Variants in CNTN3 observed in about 807,000 individuals in gnomAD.
CNTN3 encodes contactin-3.
A neutral mutation model predicts 119.1 loss-of-function variants in CNTN3; 60 were observed. The observed-to-expected ratio is 0.50, with a 90% CI of 0.41 to 0.62. CNTN3 has a LOEUF of 0.62. Ranked by LOEUF, CNTN3 falls within the 20% of genes least tolerant of loss-of-function variation. CNTN3 has a pLI of 0.00. For synonymous variants in CNTN3, 450 were observed against 438.7 expected (o/e 1.03, Z -0.32); for missense variants, 1,101 against 1,242.4 (o/e 0.89, Z 1.71).
chr3:74,609,728 CA>C (rs1458017220), intron 1 of CNTN3, among the ~76,000 whole-genome samples: 1 of 152,154 alleles, frequency 6.6e-6, no homozygotes, highest in Non-Finnish European at 1.5e-5. Context: ...GCAAGCTCAG[CA>C]AACCAATAAG....
intron 5 of CNTN3, among the ~76,000 whole-genome samples, chr3:74,387,912 T>C (rs73110930): frequency 0.099 from 15,090 of 152,324 alleles, 1,003 homozygotes; most frequent in Non-Finnish European, 0.15. Flanking sequence ...ACTTAATTTA[T>C]ATTTAACATT....
chr3:74,450,471 T>C (rs1237319913), intron 4 of CNTN3, among the ~76,000 whole-genome samples: 1 of 151,002 alleles, frequency 6.6e-6, no homozygotes, highest in Non-Finnish European at 1.5e-5. Context: ...CCTAAATGAT[T>C]CTTGAAAGAA....
At chr3:74,412,234 A>C (rs888387732) in intron 5 of CNTN3, among the ~76,000 whole-genome samples, 26 of 152,184 alleles carry the variant, frequency 1.7e-4, no homozygotes, top group African/African-American at 5.5e-4. Flanking sequence ...CTCACTCTTT[A>C]GATTTCCCCT....
intron 2 of CNTN3, among the ~76,000 whole-genome samples, chr3:74,508,719 A>G (rs1281768649): frequency 6.6e-6 from 1 of 152,146 alleles, no homozygotes; most frequent in Non-Finnish European, 1.5e-5. Flanking sequence ...ACTTTTAAAA[A>G]TGCTAGACAT....
At position 74,365,659 on chromosome 3, in the gene CNTN3, G is replaced by A. The variant is rs138191723; in HGVS notation, c.990C>T (p.Ala330=). 43 of 1,613,220 alleles carry A rather than the reference G, an allele frequency of 2.7e-5. No homozygotes were observed. Among genetic ancestry groups the A allele is most frequent in the South Asian group, 8.8e-5 (8 of 91,064 alleles). ...ATTCCCAATAAAGACTGTCCTCCAC[G>A]GCTATTTCCACATCCTTTATGAGTT... is the stretch of plus-strand genomic sequence containing the variant. ...WVQLIKDVEI[A]VEDSLYWECR... is the part of the protein sequence containing the mutation. Residue 330 remains alanine (A), a synonymous_variant, in exon 9 of 23, where the codon GCC becomes GCT. Coordinates refer to ENST00000263665, the MANE Select transcript of CNTN3 (RefSeq NM_020872.3).
intron 1 of CNTN3, among the ~76,000 whole-genome samples, chr3:74,586,442 G>A (rs1248720889): frequency 6.6e-6 from 1 of 152,032 alleles, no homozygotes; most frequent in African/African-American, 2.4e-5. Context: ...CTGCAATACT[G>A]ATGAAGAATA....
rs528460656 is a variant in CNTN3, at chr3:74,301,773, C to T, written c.1819G>A (p.Asp607Asn). ...TGGGCTGTTGTGTCTGTAATTTCAT[C>T]TACCTTCACATTTTCTGGTGGTCCA... ...SPGPPENVKV[D>N]EITDTTAQLS... Residue 607 changes from aspartate to asparagine, a missense_variant, in exon 15 of 23, where the codon GAT becomes AAT. Asp to Asn is a conservative substitution (Grantham distance 23). Transcript: ENST00000263665. 8.1e-6 allele frequency: 13 copies of T among 1,614,096 alleles called. No homozygotes were observed. Among genetic ancestry groups the T allele is most frequent in the Non-Finnish European group, 9.3e-6 (11 of 1,179,960 alleles).
chr3:74,362,991 T>C (rs1704110578), intron 10 of CNTN3, among the ~76,000 whole-genome samples: 1 of 152,210 alleles, frequency 6.6e-6, no homozygotes, highest in South Asian at 2.1e-4. Context: ...TTGAATACAA[T>C]CTTTTGTTTA....
intron 4 of CNTN3, among the ~76,000 whole-genome samples, chr3:74,478,142 T>G (rs545468976): frequency 6.6e-6 from 1 of 152,144 alleles, no homozygotes; most frequent in Non-Finnish European, 1.5e-5. Context: ...GTGATGATAT[T>G]AAATGGTTTG....
At chr3:74,592,471 T>C (rs1704719508) in intron 1 of CNTN3, among the ~76,000 whole-genome samples, 1 of 144,276 alleles carries the variant, frequency 6.9e-6, no homozygotes, top group Admixed American at 6.8e-5. Flanking sequence ...AAAAACAGAA[T>C]GAAACACACA....
In CNTN3 at chr3:74,331,212, C is replaced by A. The variant is rs78788489; in HGVS notation, c.1668+3523G>T. Among the ~76,000 whole-genome samples the A allele has an allele frequency of 9.9e-4, 150 of 152,256 alleles. 3 individuals are homozygous for A. In the East Asian group the frequency reaches 0.028, roughly 28 times the overall value. On this transcript the variant is annotated intron_variant, in intron 13 of 22. Transcript: ENST00000263665. ...ACAGTAAGTGCCCTATACAGGTGCA[C>A]CTTTTTGAAAATCCTTTATGCCGTA...
At chr3:74,374,572 C>G (rs1386923885) in intron 5 of CNTN3, among the ~76,000 whole-genome samples, 3 of 152,028 alleles carry the variant, frequency 2.0e-5, no homozygotes, top group Non-Finnish European at 4.4e-5. Context: ...CTGATTGATT[C>G]TTGGTACCTG....
intron 1 of CNTN3, among the ~76,000 whole-genome samples, chr3:74,554,645 T>C (rs1019353104): frequency 6.6e-6 from 1 of 152,204 alleles, no homozygotes; most frequent in African/African-American, 2.4e-5. Flanking sequence ...CCCTTGTAAG[T>C]TGGACTCCTA....
chr3:74,549,277 A>G (rs1703955967), intron 1 of CNTN3, among the ~76,000 whole-genome samples: 1 of 152,158 alleles, frequency 6.6e-6, no homozygotes, highest in African/African-American at 2.4e-5. Context: ...AAAATGTGCC[A>G]GCTTCCCCTT....
intron 13 of CNTN3, among the ~76,000 whole-genome samples, chr3:74,328,967 C>T (rs569267935): frequency 7.0e-4 from 107 of 152,234 alleles, no homozygotes; most frequent in South Asian, 2.3e-3. Flanking sequence ...TATAGTCCAA[C>T]GGGGATATGC....
intron 5 of CNTN3, among the ~76,000 whole-genome samples, chr3:74,399,632 T>C (rs1309868810): frequency 2.0e-5 from 3 of 152,184 alleles, no homozygotes; most frequent in South Asian, 2.1e-4. Context: ...AACAGAATGA[T>C]TTATATTCCT....
At chr3:74,511,547 T>C (rs759644187) in intron 2 of CNTN3, among the ~76,000 whole-genome samples, 2 of 152,098 alleles carry the variant, frequency 1.3e-5, no homozygotes, top group Non-Finnish European at 2.9e-5. Context: ...GGTGTGCCTG[T>C]AGTCCCAGCT....
chr3:74,358,804 T>C (rs1477029486), intron 11 of CNTN3, among the ~76,000 whole-genome samples: 3 of 132,876 alleles, frequency 2.3e-5, no homozygotes, highest in African/African-American at 8.5e-5. Flanking sequence ...TATTCCCCTT[T>C]CTGTGTCCAT....
At chr3:74,407,402 G>A (rs936746534) in intron 5 of CNTN3, among the ~76,000 whole-genome samples, 2 of 150,692 alleles carry the variant, frequency 1.3e-5, no homozygotes, top group African/African-American at 2.4e-5. Context: ...TGAAGTAGCT[G>A]GGATTACAGG....
Sources: allele counts gnomAD v4.1 joint callset (sites outside exome capture counted in the v4.1 genomes callset), GRCh38; gene constraint gnomAD v4.1.1; transcripts MANE v1.5; gene names NCBI Gene and HGNC (gene_info 2026-07-23, HGNC 2026-07-21).